The following TNS3 variants were observed in gnomAD, a reference collection of about 807,000 sequenced individuals.
TNS3 encodes tensin-3.
TNS3 carries 45 observed loss-of-function variants against 140.9 expected under a neutral mutation model. The ratio of observed to expected loss-of-function variants is 0.32; its 90% CI spans 0.25 to 0.41. The LOEUF is 0.41. Ranked by LOEUF, TNS3 falls within the 10% of genes least tolerant of loss-of-function variation. The pLI, the probability that TNS3 is intolerant of heterozygous loss-of-function variation, is 1.00. For synonymous variants in TNS3, 815 were observed against 788.4 expected, an observed-to-expected ratio of 1.03 and a Z score of -0.56; for missense variants, 1,716 against 1,906.7, an observed-to-expected ratio of 0.90 and a Z score of 1.86.
chr7:47,301,880 T>C (rs1475155242), intron 23 of TNS3, among the ~76,000 whole-genome samples: 1 of 152,208 alleles, frequency 6.6e-6, no homozygotes, highest in African/African-American at 2.4e-5. Flanking sequence ...AGTTGTGGGC[T>C]GGCATCACTG....
At chr7:47,283,164 G>C in intron 28 of TNS3, among the ~76,000 whole-genome samples, 1 of 152,244 alleles carries the variant, frequency 6.6e-6, no homozygotes, top group Non-Finnish European at 1.5e-5. Flanking sequence ...TGGCTGCTCT[G>C]TTCCATGCTT....
intron 3 of TNS3, among the ~76,000 whole-genome samples, chr7:47,483,440 A>G (rs1797500553): frequency 1.3e-5 from 2 of 152,224 alleles, no homozygotes; most frequent in Non-Finnish European, 2.9e-5. Flanking sequence ...AAGTACTGGG[A>G]TTACAGGCGT....
chr7:47,514,105 C>G (rs1393976020), intron 2 of TNS3, among the ~76,000 whole-genome samples: 1 of 152,200 alleles, frequency 6.6e-6, no homozygotes, highest in African/African-American at 2.4e-5. Flanking sequence ...TGTGAGTCAC[C>G]CTCTGCTTCT....
intron 1 of TNS3, among the ~76,000 whole-genome samples, chr7:47,545,305 A>G (rs1243425536): frequency 6.6e-6 from 1 of 151,984 alleles, no homozygotes; most frequent in Non-Finnish European, 1.5e-5. Flanking sequence ...ATGCCCAGCT[A>G]ATTTTTGTAT....
At chr7:47,437,502 A>G (rs1795243295) in intron 6 of TNS3, among the ~76,000 whole-genome samples, 189 bp from the exon 7 acceptor site, 1 of 151,806 alleles carries the variant, frequency 6.6e-6, no homozygotes, top group East Asian at 1.9e-4. Flanking sequence ...AAAGCAGAAA[A>G]CACATTGCAT....
intron 17 of TNS3, among the ~76,000 whole-genome samples, chr7:47,361,355 A>G (rs1311783588): frequency 6.6e-6 from 1 of 151,968 alleles, no homozygotes; most frequent in Non-Finnish European, 1.5e-5. Context: ...CCAGCACTGA[A>G]CTTCCCTGGC....
At chr7:47,457,134 AG>A (rs1562766133) in intron 4 of TNS3, among the ~76,000 whole-genome samples, 2 of 9,608 alleles carry the variant, frequency 2.1e-4, no homozygotes, top group Non-Finnish European at 1.9e-4. Context: ...AGGGGAGGGG[AG>A]GAGGGGAGGG....
intron 1 of TNS3, among the ~76,000 whole-genome samples, chr7:47,536,129 T>C (rs1017096796): frequency 6.6e-6 from 1 of 152,318 alleles, no homozygotes; most frequent in African/African-American, 2.4e-5. Flanking sequence ...ATCCAACACA[T>C]ATTGTTCCCA....
At chr7:47,479,233 C>A (rs918215844) in intron 4 of TNS3, among the ~76,000 whole-genome samples, 11 of 152,336 alleles carry the variant, frequency 7.2e-5, no homozygotes, top group African/African-American at 2.6e-4. Flanking sequence ...CCCTCTGGTG[C>A]CTCTGATGTC....
At chr7:47,533,399 G>A (rs1245813310) in intron 1 of TNS3, among the ~76,000 whole-genome samples, 5 of 149,614 alleles carry the variant, frequency 3.3e-5, no homozygotes, top group African/African-American at 4.9e-5. Flanking sequence ...CAAAGCGCTG[G>A]GATTACAGGT....
intron 4 of TNS3, among the ~76,000 whole-genome samples, chr7:47,470,017 T>C (rs1215038028): frequency 1.4e-5 from 2 of 142,962 alleles, no homozygotes; most frequent in Admixed American, 7.0e-5. Context: ...ATGTACACCA[T>C]GGAATACTAC....
At chr7:47,381,015 A>G (rs1029008992) in intron 16 of TNS3, among the ~76,000 whole-genome samples, 9 of 152,164 alleles carry the variant, frequency 5.9e-5, no homozygotes, top group African/African-American at 1.9e-4. Flanking sequence ...GGCCAGGGCA[A>G]TGTAAATAAG....
At chr7:47,328,617 C>T (rs1214426183) in intron 20 of TNS3, among the ~76,000 whole-genome samples, 1 of 152,158 alleles carries the variant, frequency 6.6e-6, no homozygotes, top group Non-Finnish European at 1.5e-5. Context: ...TGTCCCTAGT[C>T]AGTCCTCTGC....
chr7:47,294,002 C>T (rs1182783069), intron 24 of TNS3, among the ~76,000 whole-genome samples, 174 bp from the exon 25 acceptor site: 3 of 152,162 alleles, frequency 2.0e-5, no homozygotes, highest in Non-Finnish European at 4.4e-5. Context: ...GAATGGTAGC[C>T]GGGCTGCAGG....
At chr7:47,400,583 G>A in intron 14 of TNS3, 125 bp from the exon 15 acceptor site, 1 of 1,246,360 alleles carries the variant, frequency 8.0e-7, no homozygotes, top group Admixed American at 2.0e-5. Context: ...GACACCCCAT[G>A]ATACAGAAAG....
At chr7:47,474,694 A>ACAC (rs1797110316) in intron 4 of TNS3, among the ~76,000 whole-genome samples, 1 of 143,984 alleles carries the variant, frequency 6.9e-6, no homozygotes, top group Non-Finnish European at 1.5e-5. Context: ...CTCACACATA[A>ACAC]TACACACAAC....
chr7:47,515,327 C>A (rs1265653981), intron 2 of TNS3, among the ~76,000 whole-genome samples: 1 of 152,178 alleles, frequency 6.6e-6, no homozygotes, highest in African/African-American at 2.4e-5. Flanking sequence ...CATCTATCAT[C>A]ACCATCAGTA....
intron 17 of TNS3, among the ~76,000 whole-genome samples, chr7:47,356,521 AG>A (rs1208950152): frequency 6.6e-6 from 1 of 152,234 alleles, no homozygotes; most frequent in Non-Finnish European, 1.5e-5. Flanking sequence ...AAAGCTCCCC[AG>A]GTGACTCCAA....
At chr7:47,564,635 C>CAAAAAAAAAAAAAAAAAAAAAAAAA (rs749603752) in intron 1 of TNS3, among the ~76,000 whole-genome samples, 3 of 30,222 alleles carry the variant, frequency 9.9e-5, no homozygotes, top group Non-Finnish European at 1.2e-4. Flanking sequence ...GACTCCGTCT[C>CAAAAAAAAAAAAAAAAAAAAAAAAA]AAAAAAAAAA....
Sources: gnomAD v4.1 joint callset for allele counts (sites outside exome capture counted in the v4.1 genomes callset) on GRCh38, gnomAD v4.1.1 for gene constraint, MANE v1.5 for transcripts, NCBI Gene and HGNC (gene_info 2026-07-23, HGNC 2026-07-21) for gene names.